ATXN7: variants seen among roughly 807,000 people sequenced by gnomAD.
ATXN7 encodes the protein ataxin 7, also known as ataxin-7.
A neutral mutation model predicts 70.5 loss-of-function variants in ATXN7; 12 were observed. That is an observed-to-expected ratio of 0.17 (90% CI 0.11 to 0.28). The LOEUF (loss-of-function observed/expected upper bound fraction) is 0.28. Ranked by LOEUF, ATXN7 falls within the 10% of genes least tolerant of loss-of-function variation. The probability of loss-of-function intolerance (pLI) is 1.00; values close to 1 mark genes in which losing one functional copy is unlikely to be tolerated. For missense variants in ATXN7, 1,256 were observed against 1,131.7 expected (o/e 1.11, Z -1.58); for synonymous variants, 498 against 448.7 (o/e 1.11, Z -1.39).
intron 10 of ATXN7, 83 bp from the exon 11 acceptor site, chr3:63,990,655 C>A (rs968497403): frequency 8.1e-6 from 13 of 1,595,442 alleles, no homozygotes; most frequent in African/African-American, 1.3e-5. Context: ...TCCTGATTAG[C>A]TCCTTTCCTG....
rs1189911389 is a variant in ATXN7, at chr3:63,917,567, G to A, written c.394+4342G>A. ...AAAATGACATCTTCTTTGGGAAGCTGTCCATAACTTCTCTAAGTCTAACCG... is the reference window on the plus strand; with the variant it reads ...AAAATGACATCTTCTTTGGGAAGCTATCCATAACTTCTCTAAGTCTAACCG... On this transcript the variant is annotated intron_variant, in intron 4 of 12. Transcript: ENST00000674280. Among the ~76,000 whole-genome samples, 11 of 152,286 alleles carry A rather than the reference G, an allele frequency of 7.2e-5. 1 individual carries two copies. In the East Asian group the frequency reaches 1.9e-3, roughly 27 times the overall value.
In ATXN7 at chr3:63,996,002, C is replaced by T. The variant is rs2075753068; in HGVS notation, c.2180C>T (p.Ser727Phe). ...TCCTCCTCTTCCTCCTCCTCCTCTTCTTCTCATTCCATGGAGTCTTTTAGG... is the reference window on the plus strand; with the variant it reads ...TCCTCCTCTTCCTCCTCCTCCTCTTTTTCTCATTCCATGGAGTCTTTTAGG... ...SSSSSSSSSS[S>F]SHSMESFRKN... Residue 727 changes from serine to phenylalanine, a missense_variant, in exon 12 of 13, where the codon TCT becomes TTT. By Grantham distance (155) the Ser-to-Phe change is radical. Transcript: ENST00000674280. 5 of 1,614,244 alleles carry T rather than the reference C, an allele frequency of 3.1e-6. No individual in the cohort carries two copies. The highest frequency in any genetic ancestry group is 4.2e-6 in the Non-Finnish European group (5 of 1,180,044).
chr3:63,965,303 C>G (rs1477865592), intron 5 of ATXN7, among the ~76,000 whole-genome samples: 1 of 152,186 alleles, frequency 6.6e-6, no homozygotes, highest in Non-Finnish European at 1.5e-5. Context: ...GAGGCAGTAT[C>G]AGTCCTTAGC....
chr3:63,937,722 C>T (rs979000186), intron 4 of ATXN7, among the ~76,000 whole-genome samples: 3 of 152,094 alleles, frequency 2.0e-5, no homozygotes, highest in Admixed American at 6.5e-5. Flanking sequence ...TAACCAGTGA[C>T]GTATCATTGC....
chr3:63,952,012 C>T (rs964015562), intron 4 of ATXN7, among the ~76,000 whole-genome samples: 3 of 152,176 alleles, frequency 2.0e-5, no homozygotes, highest in Non-Finnish European at 2.9e-5. Context: ...ATAGAATGCA[C>T]AGTTAAACAA....
chr3:63,982,966 G>A lies in ATXN7; in HGVS notation c.1040G>A (p.Cys347Tyr). 6.2e-7 allele frequency: 1 copy of A among 1,614,096 alleles called. No individual in the cohort carries two copies. The highest frequency in any genetic ancestry group is 8.5e-7 in the Non-Finnish European group (1 of 1,179,994). The change falls in exon 8 of 13, where the codon TGT (cysteine) becomes TAT (tyrosine). Residue 347 changes from cysteine to tyrosine, a missense_variant. Transcript: ENST00000674280. The stretch of plus-strand genomic sequence containing the variant: ...AGAGAGTTTGATCCTGACATCCACT[G>A]TGGGGTTATTGATCTCGACACCAAG... ...SEREFDPDIH[C>Y]GVIDLDTKKP...
At position 63,932,352 on chromosome 3, in the gene ATXN7, C is replaced by T. The variant is rs1235973801; in HGVS notation, c.394+19127C>T. On this transcript the variant is annotated intron_variant, in intron 4 of 12. Transcript: ENST00000674280. ...GCTGAGAAGATGAACCTTTTTTTGT[C>T]ATAGTAATACCACATAGGCATGCAT... Among the ~76,000 whole-genome samples the T allele has an allele frequency of 2.6e-5, 4 of 152,080 alleles. No homozygotes were observed. The East Asian group carries it at 7.7e-4, about 29-fold the overall frequency.
At chr3:63,913,018 C>T in intron 3 of ATXN7, 95 bp downstream of exon 3, 2 of 1,410,646 alleles carry the variant, frequency 1.4e-6, no homozygotes, top group Non-Finnish European at 9.8e-7. Flanking sequence ...CCCGCCCCCT[C>T]GAGGGGCAGA....
intron 1 of ATXN7, among the ~76,000 whole-genome samples, chr3:63,867,301 A>T (rs1210759464): frequency 6.6e-6 from 1 of 152,182 alleles, no homozygotes; most frequent in African/African-American, 2.4e-5. Flanking sequence ...TTTTTATTGA[A>T]TAAAATGGAA....
intron 4 of ATXN7, among the ~76,000 whole-genome samples, chr3:63,927,513 T>C (rs922665865): frequency 6.6e-6 from 1 of 152,206 alleles, no homozygotes; most frequent in African/African-American, 2.4e-5. Flanking sequence ...CACTCCCCTG[T>C]TGGTGATAGA....
chr3:63,997,772 A>G, intron 12 of ATXN7: 1 of 1,512,888 alleles, frequency 6.6e-7, no homozygotes, highest in Non-Finnish European at 8.8e-7. Context: ...ACTTTTTCAG[A>G]AAATACCAAG....
intron 1 of ATXN7, among the ~76,000 whole-genome samples, chr3:63,895,449 T>C (rs867074715): frequency 2.6e-5 from 4 of 152,150 alleles, no homozygotes; most frequent in African/African-American, 9.7e-5. Flanking sequence ...TAACACATTC[T>C]GGTGATAGCT....
chr3:63,935,892 G>A (rs1268842769), intron 4 of ATXN7, among the ~76,000 whole-genome samples: 1 of 152,154 alleles, frequency 6.6e-6, no homozygotes, highest in South Asian at 2.1e-4. Context: ...GGGATAAACA[G>A]ATATGTCGAA....
rs1368374575 is a variant in ATXN7, at chr3:63,995,651, G to A, written c.1829G>A (p.Cys610Tyr). 6.2e-7 allele frequency: 1 copy of A among 1,614,156 alleles called. No individual in the cohort carries two copies. The highest frequency in any genetic ancestry group is 8.5e-7 in the Non-Finnish European group (1 of 1,180,034). Residue 610 changes from cysteine to tyrosine, a missense_variant, in exon 12 of 13, where the codon TGC (cysteine) becomes TAC (tyrosine). By Grantham distance (194) the Cys-to-Tyr change is radical. Coordinates refer to ENST00000674280, the MANE Select transcript of ATXN7 (RefSeq NM_001377405.1). ...STSPVLLSST[C>Y]ISPNSKSVPA... The stretch of plus-strand genomic sequence containing the variant: ...TCCCCAGTCCTGCTCTCATCTACCT[G>A]CATCTCCCCAAATAGCAAATCGGTA...
At chr3:63,974,909 A>G (rs912916728) in intron 5 of ATXN7, among the ~76,000 whole-genome samples, 2 of 152,218 alleles carry the variant, frequency 1.3e-5, no homozygotes, top group African/African-American at 2.4e-5. Context: ...TGAATGAAAA[A>G]TTGTAGCATC....
At chr3:63,984,623 A>T (rs937615877) in intron 8 of ATXN7, among the ~76,000 whole-genome samples, 6 of 152,246 alleles carry the variant, frequency 3.9e-5, no homozygotes, top group African/African-American at 1.4e-4. Context: ...TTCAAACCCA[A>T]GATGTTCTTT....
intron 11 of ATXN7, among the ~76,000 whole-genome samples, chr3:63,995,000 A>G (rs565092749): frequency 3.5e-4 from 53 of 152,322 alleles, no homozygotes; most frequent in African/African-American, 1.2e-3. Context: ...GCTGTTAATT[A>G]GCTGCACCCT....
chr3:63,912,568 T>C lies in ATXN7; in HGVS notation c.-11-20T>C, dbSNP rs1287508420. ...CGGCCCCCGCGCGACTCTTTCCCCCTTTTTTTTGTTACATTGTAGGAGCGG... is the reference window on the plus strand; with the variant it reads ...CGGCCCCCGCGCGACTCTTTCCCCCCTTTTTTTGTTACATTGTAGGAGCGG... On this transcript the variant is annotated intron_variant, in intron 2 of 12. Transcript: ENST00000674280. The C allele has an allele frequency of 5.5e-6, 6 of 1,097,866 alleles. No homozygotes were observed. The highest frequency in any genetic ancestry group is 4.6e-5 in the South Asian group (2 of 43,750). 68.0% of individuals were successfully genotyped at this position (1,097,866 alleles called of 1,614,324 possible).
At chr3:63,990,550 C>A in intron 10 of ATXN7, 176 bp downstream of exon 10, 1 of 1,169,582 alleles carries the variant, frequency 8.6e-7, no homozygotes, top group Non-Finnish European at 1.2e-6. Context: ...GGGGACATCT[C>A]GTGCTTTTTT....
Sources: allele counts gnomAD v4.1 joint callset (sites outside exome capture counted in the v4.1 genomes callset), GRCh38; gene constraint gnomAD v4.1.1; transcripts MANE v1.5; gene names NCBI Gene and HGNC (gene_info 2026-07-23, HGNC 2026-07-21).